The following KIF5C variants were observed in gnomAD, a reference collection of about 807,000 sequenced individuals.
KIF5C encodes kinesin family member 5C.
In KIF5C, 18 loss-of-function variants were observed where a neutral mutation model predicts 125.2. That is an observed-to-expected ratio of 0.14 (90% CI 0.10 to 0.21). KIF5C has a LOEUF of 0.21. Among genes scored for constraint, KIF5C ranks in the 10% least tolerant of loss-of-function variants. The pLI is 1.00. For missense variants in KIF5C, 780 were observed against 1,183.8 expected, an observed-to-expected ratio of 0.66 and a Z score of 5.01; for synonymous variants, 405 against 434.0, an observed-to-expected ratio of 0.93 and a Z score of 0.83.
chr2:148,977,499 C>T lies in KIF5C; in HGVS notation c.1294-1423C>T, dbSNP rs143480627. 2.1e-4 allele frequency among the ~76,000 whole-genome samples: 32 copies of T among 152,274 alleles called. No individual in the cohort carries two copies. The East Asian group carries it at 5.0e-3, about 24-fold the overall frequency. On this transcript the variant is annotated intron_variant, in intron 12 of 25. Transcript: ENST00000435030. ...ACACAAAATCGTTACTGGTAACTGA[C>T]GTGCTAAGTTTATAAAGTAGAAGAG...
intron 1 of KIF5C, among the ~76,000 whole-genome samples, chr2:148,893,499 C>T (rs1317538309): frequency 1.3e-5 from 2 of 152,208 alleles, no homozygotes; most frequent in African/African-American, 4.8e-5. Flanking sequence ...TGCACGTTCA[C>T]TCGTCCAAGC....
At chr2:148,919,615 A>G (rs992748994) in intron 1 of KIF5C, among the ~76,000 whole-genome samples, 1 of 152,226 alleles carries the variant, frequency 6.6e-6, no homozygotes, top group Non-Finnish European at 1.5e-5. Context: ...TACCATTACT[A>G]AAGCAGCAAA....
At chr2:149,008,829 G>A (rs1682090405) in intron 23 of KIF5C, among the ~76,000 whole-genome samples, 1 of 151,952 alleles carries the variant, frequency 6.6e-6, no homozygotes, top group African/African-American at 2.4e-5. Flanking sequence ...ACTGATGATG[G>A]CATTTTTTCC....
intron 1 of KIF5C, among the ~76,000 whole-genome samples, chr2:148,898,873 A>AT (rs1395946745): frequency 2.0e-5 from 3 of 152,078 alleles, no homozygotes; most frequent in Non-Finnish European, 2.9e-5. Context: ...GTATTATTTA[A>AT]TTTTTTTTAC....
In KIF5C at chr2:148,999,142, C is replaced by T. The variant is rs1033219632; in HGVS notation, c.2210+633C>T. 1.5e-4 allele frequency among the ~76,000 whole-genome samples: 23 copies of T among 152,340 alleles called. 1 individual carries two copies. The South Asian group carries it at 1.7e-3, about 11-fold the overall frequency. ...TGTTGTGCTCCTGCCTTGTCGCAGC[C>T]TCTGACATGCCCTCTGCTCCTTCAG... is the stretch of plus-strand genomic sequence containing the variant. On this transcript the variant is annotated intron_variant, in intron 19 of 25. Transcript: ENST00000435030.
intron 8 of KIF5C, chr2:148,947,787 C>A: frequency 2.4e-6 from 1 of 423,250 alleles, no homozygotes; most frequent in South Asian, 1.7e-5. Flanking sequence ...CATCATAGAG[C>A]AAGGCCATGT....
chr2:148,923,184 A>G lies in KIF5C; in HGVS notation c.217+957A>G, dbSNP rs1390982956. 3.9e-5 allele frequency among the ~76,000 whole-genome samples: 6 copies of G among 152,176 alleles called. No individual in the cohort carries two copies. The East Asian group carries it at 7.7e-4, about 20-fold the overall frequency. ...AAAAACAAAACTAAAAAAACCTACC[A>G]TGTCACTTTGGATCTGCTTGTTTTT... On this transcript the variant is annotated intron_variant, in intron 2 of 25. Coordinates refer to ENST00000435030, the MANE Select transcript of KIF5C (RefSeq NM_004522.3).
chr2:148,961,675 A>C (rs1682931841), intron 10 of KIF5C, among the ~76,000 whole-genome samples: 1 of 152,230 alleles, frequency 6.6e-6, no homozygotes, highest in Non-Finnish European at 1.5e-5. Flanking sequence ...CTGAGAACAC[A>C]GACTAAGACA....
intron 17 of KIF5C, among the ~76,000 whole-genome samples, chr2:148,995,736 C>T (rs1045533481): frequency 3.3e-5 from 5 of 152,140 alleles, no homozygotes; most frequent in Admixed American, 6.5e-5. Context: ...TACACTATGG[C>T]GTGTTATTTA....
intron 1 of KIF5C, chr2:148,883,791 G>A (rs1400573585): frequency 1.3e-5 from 2 of 151,480 alleles, no homozygotes; most frequent in African/African-American, 4.9e-5. Context: ...TTTTTCTGTT[G>A]GTTTTTTTTT....
At chr2:148,933,673 A>G (rs1682224627) in intron 3 of KIF5C, among the ~76,000 whole-genome samples, 1 of 151,586 alleles carries the variant, frequency 6.6e-6, no homozygotes, top group African/African-American at 2.4e-5. Context: ...AGACATATGC[A>G]CACCACATAC....
intron 13 of KIF5C, among the ~76,000 whole-genome samples, chr2:148,979,958 C>T (rs1208393287): frequency 6.6e-6 from 1 of 152,134 alleles, no homozygotes; most frequent in African/African-American, 2.4e-5. Context: ...TTGCTGAGGA[C>T]CGTTTAAGTG....
Position 148,960,187 on chromosome 2 carries a change from G to A in KIF5C, c.969-1784G>A, listed in dbSNP as rs564753852. ...ACACCAATGGTGATAACCTTGCTGA[G>A]TCTGCTCACAAAATATGCCTCTGGC... is the stretch of plus-strand genomic sequence containing the variant. On this transcript the variant is annotated intron_variant, in intron 10 of 25. Coordinates refer to ENST00000435030, the MANE Select transcript of KIF5C (RefSeq NM_004522.3). Among the ~76,000 whole-genome samples the A allele has an allele frequency of 2.0e-5, 3 of 152,352 alleles. No individual in the cohort carries two copies. The South Asian group carries it at 6.2e-4, about 32-fold the overall frequency.
Position 148,988,413 on chromosome 2 carries a change from C to T in KIF5C, c.1717-2597C>T, listed in dbSNP as rs116455461. Among the ~76,000 whole-genome samples, 717 of 152,314 alleles carry T rather than the reference C, an allele frequency of 4.7e-3. 2 individuals carry two copies. The highest frequency in any genetic ancestry group is 0.017 in the African/African-American group (705 of 41,550). On this transcript the variant is annotated intron_variant, in intron 15 of 25. Transcript: ENST00000435030. ...ATTTTGGAGGAAGCCCATCTTTATA[C>T]ATATCTATATTTTTACTCTTCCTCA...
chr2:148,987,564 G>A lies in KIF5C; in HGVS notation c.1717-3446G>A, dbSNP rs1213736269. ...GGGGAAGAAAGCCTAATGCTGATTG[G>A]CGAGGGAGGGTGTATGACCAGGCGT... On this transcript the variant is annotated intron_variant, in intron 15 of 25. Coordinates refer to ENST00000435030, the MANE Select transcript of KIF5C (RefSeq NM_004522.3). Among the ~76,000 whole-genome samples the A allele has an allele frequency of 2.6e-5, 4 of 152,274 alleles. No homozygotes were observed. The East Asian group carries it at 7.7e-4, about 29-fold the overall frequency.
At chr2:149,020,602 A>T (rs1276094751) in intron 25 of KIF5C, among the ~76,000 whole-genome samples, 1 of 152,178 alleles carries the variant, frequency 6.6e-6, no homozygotes, top group African/African-American at 2.4e-5. Context: ...GGCTGCAAAC[A>T]TTGCGTCAGG....
chr2:149,006,212 C>T lies in KIF5C; in HGVS notation c.2445+748C>T, dbSNP rs899555123. ...GTGTGTGCATATTTGAGTGTGTGTA[C>T]GTGTGTGTGTGAATGTGTGTCAGTG... On this transcript the variant is annotated intron_variant, in intron 22 of 25. Transcript: ENST00000435030. Among the ~76,000 whole-genome samples, 9 of 151,714 alleles carry T rather than the reference C, an allele frequency of 5.9e-5. No homozygotes were observed. In the South Asian group the frequency reaches 1.0e-3, roughly 18 times the overall value.
At chr2:148,964,388 C>G (rs144789884) in intron 11 of KIF5C, among the ~76,000 whole-genome samples, 2 of 152,198 alleles carry the variant, frequency 1.3e-5, no homozygotes, top group Non-Finnish European at 2.9e-5. Context: ...ATGATATACT[C>G]TGGCACAGAG....
chr2:148,989,418 C>G (rs571186859), intron 15 of KIF5C, among the ~76,000 whole-genome samples: 24 of 151,908 alleles, frequency 1.6e-4, no homozygotes, highest in Middle Eastern at 3.4e-3. Flanking sequence ...GGGCTGGTTC[C>G]ATATTTTTGC....
Sources: allele counts gnomAD v4.1 joint callset (sites outside exome capture counted in the v4.1 genomes callset), GRCh38; gene constraint gnomAD v4.1.1; transcripts MANE v1.5; gene names NCBI Gene and HGNC (gene_info 2026-07-23, HGNC 2026-07-21).